The following BORCS7 variants were observed in gnomAD, a reference collection of about 807,000 sequenced individuals.
BORCS7 encodes BLOC-1-related complex subunit 7.
BORCS7 carries 20 observed loss-of-function variants against 17.5 expected under a neutral mutation model. The ratio of observed to expected loss-of-function variants is 1.14; its 90% CI spans 0.80 to 1.66. The LOEUF (loss-of-function observed/expected upper bound fraction) is 1.66, where lower values mean the gene tolerates loss of function less well. Ranked by LOEUF, BORCS7 falls within the 40% of genes most tolerant of loss-of-function variation. The pLI is 0.00. For missense variants in BORCS7, 122 were observed against 129.7 expected (o/e 0.94, Z 0.29); for synonymous variants, 57 against 49.8 (o/e 1.14, Z -0.61).
chr10:102,854,477 C>G (rs991731426), intron 1 of BORCS7, 50 bp downstream of exon 1: 3 of 1,505,014 alleles, frequency 2.0e-6, no homozygotes, highest in Non-Finnish European at 2.7e-6. Flanking sequence ...GAGTCGCAGT[C>G]TTTCGTTGCT....
At chr10:102,854,464 G>A in intron 1 of BORCS7, 37 bp downstream of exon 1, 2 of 1,509,300 alleles carry the variant, frequency 1.3e-6, no homozygotes, top group Non-Finnish European at 1.8e-6. Flanking sequence ...CTGATAGTCC[G>A]GGGAGTCGCA....
Position 102,856,206 on chromosome 10 carries a change from C to G in BORCS7, c.141+1779C>G, listed in dbSNP as rs1287810855. 4.6e-5 allele frequency among the ~76,000 whole-genome samples: 7 copies of G among 152,226 alleles called. No homozygotes were observed. The South Asian group carries it at 8.3e-4, about 18-fold the overall frequency. ...CTCTTGCATGCCTGCGCTTCTCCTCCTCCATTTGAGTTGTGTGCTTAGTGA... is the reference window on the plus strand; with the variant it reads ...CTCTTGCATGCCTGCGCTTCTCCTCGTCCATTTGAGTTGTGTGCTTAGTGA... On this transcript the variant is annotated intron_variant, in intron 1 of 4. Transcript: ENST00000339834.
chr10:102,862,647 A>G (rs1322607017), intron 4 of BORCS7, among the ~76,000 whole-genome samples: 1 of 152,220 alleles, frequency 6.6e-6, no homozygotes, highest in Non-Finnish European at 1.5e-5. Context: ...GCATTAAAGT[A>G]CAGATAGCTT....
intron 3 of BORCS7, among the ~76,000 whole-genome samples, chr10:102,861,449 G>T (rs1011614558): frequency 6.6e-6 from 1 of 151,748 alleles, no homozygotes. Context: ...GGGCACAGTG[G>T]CTCATGCCTG....
intron 1 of BORCS7, among the ~76,000 whole-genome samples, chr10:102,858,645 G>C (rs994153750): frequency 6.6e-6 from 1 of 151,970 alleles, no homozygotes; most frequent in African/African-American, 2.4e-5. Flanking sequence ...GTGATACCCT[G>C]TTTCAAAAAA....
In BORCS7 at chr10:102,863,399, A is replaced by G. The variant is rs1488241671; in HGVS notation, c.*475A>G. On this transcript the variant is annotated 3_prime_UTR_variant, in exon 5 of 5. Transcript: ENST00000339834. ...TGATGTACAGTTTCTCCTAAGAAGA[A>G]GCGAGGTGGTTGAATTTTGGAAGCA... 1 of 152,852 alleles carries G rather than the reference A, an allele frequency of 6.5e-6. No homozygotes were observed. Among genetic ancestry groups the G allele is most frequent in the Non-Finnish European group, 1.5e-5 (1 of 68,576 alleles). 9.5% of individuals were successfully genotyped at this position (152,852 alleles called of 1,614,324 possible).
At position 102,854,421 on chromosome 10, in the gene BORCS7, C is replaced by T. The variant is rs1247834779; in HGVS notation, c.135C>T (p.Ser45=). ...LTKQVLKGSR[S]SELLGQAARN... ...AGCAGGTGCTGAAAGGCTCCCGGAG[C>T]TCCGAGGTGAGCTGGAAGTGGACTC... Residue 45 remains serine (S), a synonymous_variant, in exon 1 of 5, where the codon AGC becomes AGT. Transcript: ENST00000339834. 2 of 1,536,944 alleles carry T rather than the reference C, an allele frequency of 1.3e-6. No individual in the cohort carries two copies. The highest frequency in any genetic ancestry group is 1.8e-6 in the Non-Finnish European group (2 of 1,134,542).
intron 1 of BORCS7, among the ~76,000 whole-genome samples, chr10:102,855,042 TATTC>T (rs1317192408): frequency 6.7e-6 from 1 of 149,310 alleles, no homozygotes; most frequent in African/African-American, 2.4e-5. Flanking sequence ...ATATTCAACA[TATTC>T]ATCATAATAA....
rs1222584865 is a variant in BORCS7 at position 102,862,010 on chromosome 10, C to T, written c.249-150C>T. 9 of 716,460 alleles carry T rather than the reference C, an allele frequency of 1.3e-5. No homozygotes were observed. In the Admixed American group the frequency reaches 1.6e-4, roughly 13 times the overall value. The allele number at this position is 716,460 out of a possible 1,614,324, so 44.4% of individuals were successfully genotyped here. A position where few individuals can be genotyped will look rare whatever the true frequency, so the allele number is the denominator to read the frequency against. On this transcript the variant is annotated intron_variant, in intron 3 of 4. Transcript: ENST00000339834. ...CAGCTCTGCACTCAGACAGGAATCC[C>T]TGTTCAATAGCACAATCTTAGGATA...
intron 1 of BORCS7, among the ~76,000 whole-genome samples, chr10:102,854,766 A>G (rs897739810): frequency 1.3e-5 from 2 of 151,616 alleles, no homozygotes; most frequent in East Asian, 3.9e-4. Flanking sequence ...AATAATAATT[A>G]AAAAAATATA....
At chr10:102,856,579 C>G (rs565813112) in intron 1 of BORCS7, among the ~76,000 whole-genome samples, 1 of 152,212 alleles carries the variant, frequency 6.6e-6, no homozygotes, top group South Asian at 2.1e-4. Context: ...GTAGCTAAGA[C>G]AAATTGTTAT....
Position 102,854,266 on chromosome 10 carries a change from C to T in BORCS7, c.-21C>T. On this transcript the variant is annotated 5_prime_UTR_variant, in exon 1 of 5. Transcript: ENST00000339834. The stretch of plus-strand genomic sequence containing the variant: ...CCCCGGCGACTCACCATCGTCAGTG[C>T]GCAACCGTTCGCTAACTGAAATGAT... 6.2e-7 allele frequency: 1 copy of T among 1,602,738 alleles called. No homozygotes were observed. The highest frequency in any genetic ancestry group is 8.5e-7 in the Non-Finnish European group (1 of 1,174,746).
At chr10:102,862,237 T>A in intron 4 of BORCS7, 57 bp downstream of exon 4, 2 of 1,527,664 alleles carry the variant, frequency 1.3e-6, no homozygotes, top group Non-Finnish European at 1.8e-6. Context: ...CTGGGGGGAT[T>A]TATACTGCTG....
rs961966155 is a variant in BORCS7 at position 102,856,395 on chromosome 10, G to GA, written c.141+1979dup. ...TGATATCTTGTCTCTGTAAAAAAAG[G>GA]AAAAAAAAAAAGAATGAAAACAATT... On this transcript the variant is annotated intron_variant, in intron 1 of 4. Transcript: ENST00000339834. 4.1e-4 allele frequency among the ~76,000 whole-genome samples: 59 copies of GA among 142,304 alleles called. 1 individual carries two copies. The highest frequency in any genetic ancestry group is 1.1e-3 in the South Asian group (5 of 4,532). 93.4% of individuals were successfully genotyped at this position (142,304 alleles called of 152,430 possible).
At chr10:102,854,483 T>C in intron 1 of BORCS7, 56 bp downstream of exon 1, 1 of 1,502,498 alleles carries the variant, frequency 6.7e-7, no homozygotes, top group East Asian at 2.5e-5. Context: ...CAGTCTTTCG[T>C]TGCTGTGGGA....
chr10:102,860,281 T>G, intron 1 of BORCS7, 51 bp from the exon 2 acceptor site: 1 of 1,524,610 alleles, frequency 6.6e-7, no homozygotes, highest in Non-Finnish European at 9.1e-7. Flanking sequence ...GAGAGAAGAT[T>G]ACAGGAAGTT....
At chr10:102,855,664 C>G (rs1183628701) in intron 1 of BORCS7, among the ~76,000 whole-genome samples, 1 of 152,102 alleles carries the variant, frequency 6.6e-6, no homozygotes, top group Non-Finnish European at 1.5e-5. Flanking sequence ...AGACGATAAA[C>G]AAGTGAAACA....
At chr10:102,858,318 AG>A (rs954481865) in intron 1 of BORCS7, among the ~76,000 whole-genome samples, 10 of 152,076 alleles carry the variant, frequency 6.6e-5, no homozygotes, top group African/African-American at 1.9e-4. Flanking sequence ...TTGTTTAAAA[AG>A]GAACAATGGA....
intron 1 of BORCS7, among the ~76,000 whole-genome samples, chr10:102,859,764 A>G (rs1844487927): frequency 6.6e-6 from 1 of 150,984 alleles, no homozygotes; most frequent in Non-Finnish European, 1.5e-5. Flanking sequence ...CGGTTTCACC[A>G]TGTTGCCCAG....
Sources: allele counts gnomAD v4.1 joint callset (sites outside exome capture counted in the v4.1 genomes callset), GRCh38; gene constraint gnomAD v4.1.1; transcripts MANE v1.5; gene names NCBI Gene and HGNC (gene_info 2026-07-23, HGNC 2026-07-21).